Variants in RNF215 observed in about 807,000 individuals in gnomAD.
RNF215 encodes ring finger protein 215.
RNF215 carries 41 observed loss-of-function variants against 44.8 expected under a neutral mutation model. The observed-to-expected ratio is 0.92, with a 90% CI of 0.71 to 1.19. RNF215 has a LOEUF of 1.19. RNF215 is among the 50% of genes most tolerant of loss of function. RNF215 has a pLI of 0.00. For missense variants in RNF215, 452 were observed against 496.2 expected (o/e 0.91, Z 0.85); for synonymous variants, 218 against 230.1 (o/e 0.95, Z 0.48).
In RNF215 at chr22:30,387,100, G is replaced by C. The variant is rs1569200185; in HGVS notation, c.214C>G (p.Leu72Val). ...VDVRLPRQDA[L>V]VLEGVRIGSE... is the part of the protein sequence containing the mutation. ...CCGATCCTGACGCCCTCCAGGACCA[G>C]AGCGTCCTGGCGCGGCAGTCTCACG... Residue 72 changes from leucine to valine, a missense_variant, in exon 1 of 9, where the codon CTG (leucine) becomes GTG (valine). Coordinates refer to ENST00000382363, the MANE Select transcript of RNF215 (RefSeq NM_001017981.2). 4.6e-6 allele frequency: 7 copies of C among 1,527,410 alleles called. No homozygotes were observed. The highest frequency in any genetic ancestry group is 1.2e-5 in the South Asian group (1 of 83,718). The allele number at this position is 1,527,410 out of a possible 1,614,324, so 94.6% of individuals were successfully genotyped here.
chr22:30,381,182 G>A lies in RNF215; in HGVS notation c.745-781C>T, dbSNP rs141131114. On this transcript the variant is annotated intron_variant, in intron 5 of 8. Transcript: ENST00000382363. ...GGTGAATGCGCCCCCCTAACCTCCC[G>A]CTGCCCCGCCCTCCTCACACCCGCT... is the stretch of plus-strand genomic sequence containing the variant. Among the ~76,000 whole-genome samples, 17 of 152,078 alleles carry A rather than the reference G, an allele frequency of 1.1e-4. No homozygotes were observed. The East Asian group carries it at 1.9e-3, about 17-fold the overall frequency.
chr22:30,379,968 A>T (rs1569198241), intron 7 of RNF215, 94 bp downstream of exon 7: 1 of 1,574,652 alleles, frequency 6.4e-7, no homozygotes, highest in Non-Finnish European at 8.7e-7. Flanking sequence ...GGGCTGAAGG[A>T]GAAGGGCCTG....
At chr22:30,384,653 T>A (rs1188906849) in intron 4 of RNF215, 158 bp from the exon 5 acceptor site, 14 of 595,686 alleles carry the variant, frequency 2.4e-5, no homozygotes, top group Non-Finnish European at 3.4e-5. Flanking sequence ...GTTTTTCCAA[T>A]TTTCACACCA....
At chr22:30,386,493 C>T in intron 2 of RNF215, 123 bp downstream of exon 2, 1 of 1,294,084 alleles carries the variant, frequency 7.7e-7, no homozygotes, top group African/African-American at 1.5e-5. Flanking sequence ...CTGGGGTGCC[C>T]TGACCCACCA....
intron 1 of RNF215, 42 bp downstream of exon 1, chr22:30,386,987 G>A (rs1395666588): frequency 6.5e-7 from 1 of 1,533,586 alleles, no homozygotes; most frequent in Non-Finnish European, 8.7e-7. Flanking sequence ...AGGGTTGAGA[G>A]AGGGGTTTAG....
At chr22:30,383,246 G>T (rs1933552251) in intron 5 of RNF215, among the ~76,000 whole-genome samples, 1 of 152,082 alleles carries the variant, frequency 6.6e-6, no homozygotes, top group South Asian at 2.1e-4. Context: ...CAATACTTGG[G>T]TTGGGACCAC....
At position 30,378,853 on chromosome 22, in the gene RNF215, A is replaced by G. The variant is rs978663921; in HGVS notation, c.*747T>C. ...AAAATATAGCCACGTTTATTTTACT[A>G]TTAAACCTTCCCTACTCCAACTCTT... On this transcript the variant is annotated 3_prime_UTR_variant, in exon 9 of 9. Coordinates refer to ENST00000382363, the MANE Select transcript of RNF215 (RefSeq NM_001017981.2). 2.7e-5 allele frequency: 4 copies of G among 147,634 alleles called. No individual in the cohort carries two copies. The highest frequency in any genetic ancestry group is 4.5e-5 in the Non-Finnish European group (3 of 67,342). The allele number at this position is 147,634 out of a possible 1,614,324, so 9.1% of individuals were successfully genotyped here.
chr22:30,387,142 G>C lies in RNF215; in HGVS notation c.172C>G (p.Arg58Gly), dbSNP rs1239529124. 5.5e-6 allele frequency: 8 copies of C among 1,445,548 alleles called. No individual in the cohort carries two copies. Among genetic ancestry groups the C allele is most frequent in the South Asian group, 5.3e-5 (4 of 76,144 alleles). The allele number at this position is 1,445,548 out of a possible 1,614,324, so 89.5% of individuals were successfully genotyped here. A position where few individuals can be genotyped will look rare whatever the true frequency, so the allele number is the denominator to read the frequency against. Residue 58 changes from arginine to glycine, a missense_variant, in exon 1 of 9, where the codon CGC (arginine) becomes GGC (glycine). By Grantham distance (125) the Arg-to-Gly change is moderately radical. Transcript: ENST00000382363. ...AGTCTCACGTCCACCCGCACGGCGC[G>C]GGCTCCGCCCCGCCCCGCCCCGGCC... Reference protein sequence around the residue: ...PAAGAGRGGARAVRVDVRLPR... With the variant: ...PAAGAGRGGAGAVRVDVRLPR...
rs1183184727 is a variant in RNF215, at chr22:30,380,176, C to T, written c.894G>A (p.Arg298=). The T allele has an allele frequency of 6.2e-7, 1 of 1,613,894 alleles. No individual in the cohort carries two copies. The highest frequency in any genetic ancestry group is 2.2e-5 in the East Asian group (1 of 44,872). The stretch of plus-strand genomic sequence containing the variant: ...GCCGTGTCTTGAGGGATGCCAGTCT[C>T]CGCACCACGCGGCGCTTAAACAGGT... The part of the protein sequence containing the change: ...QVDLFKRRVV[R]RLASLKTRRC... The change falls in exon 7 of 9, where the codon CGG becomes CGA. Residue 298 remains arginine, a synonymous_variant. Coordinates refer to ENST00000382363, the MANE Select transcript of RNF215 (RefSeq NM_001017981.2). The surrounding 1 kb of genome is among the most constrained non-coding windows in gnomAD (Gnocchi z 5.3).
At position 30,386,724 on chromosome 22, in the gene RNF215, C is replaced by A; in HGVS notation, c.321G>T (p.Val107=). ...CGTATGCCACTGCAATCCAGCCTTC[C>A]ACTGGTGCCTCCTGCTCGGCATCCA... ...DIVDAEQEAP[V]EGWIAVAYVG... Residue 107 remains valine (V), a synonymous_variant, in exon 2 of 9, where the codon GTG becomes GTT. Coordinates refer to ENST00000382363, the MANE Select transcript of RNF215 (RefSeq NM_001017981.2). The A allele has an allele frequency of 6.2e-7, 1 of 1,610,028 alleles. No individual in the cohort carries two copies.
rs571730313 is a variant in RNF215, at chr22:30,386,154, A to G, written c.430-13T>C. 24 of 1,582,094 alleles carry G rather than the reference A, an allele frequency of 1.5e-5. 1 individual carries two copies. The South Asian group carries it at 2.6e-4, about 17-fold the overall frequency. ...GGGCCCGCCGCATCTGCAGAGGGAT[A>G]GAAGGCGAGAGGCTAGCATATACCC... is the stretch of plus-strand genomic sequence containing the variant. On this transcript the variant is annotated splice_polypyrimidine_tract_variant and intron_variant, in intron 2 of 8. Transcript: ENST00000382363.
chr22:30,383,001 C>T (rs1933548924), intron 5 of RNF215, among the ~76,000 whole-genome samples: 1 of 152,146 alleles, frequency 6.6e-6, no homozygotes. Context: ...ACTTGGGGGA[C>T]TGAGGTGGCA....
At position 30,384,371 on chromosome 22, in the gene RNF215, C is replaced by A; in HGVS notation, c.712G>T (p.Val238Phe). The A allele has an allele frequency of 1.2e-6, 2 of 1,613,992 alleles. No individual in the cohort carries two copies. The highest frequency in any genetic ancestry group is 2.2e-5 in the South Asian group (2 of 91,082). The change falls in exon 5 of 9, where the codon GTC (valine) becomes TTC (phenylalanine). Residue 238 changes from valine (V) to phenylalanine (F), a missense_variant. Val to Phe is a conservative substitution (Grantham distance 50). Transcript: ENST00000382363. The stretch of plus-strand genomic sequence containing the variant: ...TGGGCACGACTGCCTCCAAGGCAGA[C>A]CAAGTCCTGCCATCCTCCATAGCCA... The part of the protein sequence containing the change: ...KDGYGGWQDL[V>F]CLGGSRAQEQ...
chr22:30,383,002 T>A (rs1601758633), intron 5 of RNF215, among the ~76,000 whole-genome samples: 2 of 152,142 alleles, frequency 1.3e-5, no homozygotes, highest in Non-Finnish European at 2.9e-5. Context: ...CTTGGGGGAC[T>A]GAGGTGGCAG....
Position 30,380,544 on chromosome 22 carries a change from C to T in RNF215, c.745-143G>A. ...TCCCTGCAGTCCCCAGCTTCCTCTT[C>T]TGAAGGCTCCGTCTCTTCCATTGTG... On this transcript the variant is annotated intron_variant, in intron 5 of 8. Coordinates refer to ENST00000382363, the MANE Select transcript of RNF215 (RefSeq NM_001017981.2). The surrounding 1 kb of genome is among the most constrained non-coding windows in gnomAD (Gnocchi z 5.3). 2 of 1,007,162 alleles carry T rather than the reference C, an allele frequency of 2.0e-6. No individual in the cohort carries two copies. The highest frequency in any genetic ancestry group is 2.9e-5 in the Admixed American group (1 of 34,430). 62.4% of individuals were successfully genotyped at this position (1,007,162 alleles called of 1,614,324 possible).
intron 2 of RNF215, 131 bp from the exon 3 acceptor site, chr22:30,386,272 C>T: frequency 1.2e-6 from 1 of 852,642 alleles, no homozygotes; most frequent in Non-Finnish European, 1.8e-6. Flanking sequence ...GCCATAAGCT[C>T]CTTGAGGTCA....
chr22:30,386,502 C>G, intron 2 of RNF215, 114 bp downstream of exon 2: 1 of 1,357,332 alleles, frequency 7.4e-7, no homozygotes, highest in East Asian at 2.3e-5. Context: ...CCTGACCCAC[C>G]AGGCCTAGGG....
rs753933810 is a variant in RNF215 at position 30,380,313 on chromosome 22, G to A, written c.833C>T (p.Ser278Leu). 9 of 1,610,976 alleles carry A rather than the reference G, an allele frequency of 5.6e-6. No homozygotes were observed. Among genetic ancestry groups the A allele is most frequent in the East Asian group, 4.5e-5 (2 of 44,822 alleles). ...GLVVQAQRQA[S>L]RQSQRELGGQ... is the part of the protein sequence containing the mutation. ...TCCGAGCTCCCGCTGGCTCTGCCGC[G>A]ACGCCTGCCGCTGGGCCTGGACCAC... Residue 278 changes from serine to leucine, a missense_variant, in exon 6 of 9, where the codon TCG becomes TTG. Coordinates refer to ENST00000382363, the MANE Select transcript of RNF215 (RefSeq NM_001017981.2). The surrounding 1 kb of genome is among the most constrained non-coding windows in gnomAD (Gnocchi z 5.3).
rs1933591829 is a variant in RNF215, at chr22:30,385,934, T to C, written c.557A>G (p.Asn186Ser). 3 of 1,613,936 alleles carry C rather than the reference T, an allele frequency of 1.9e-6. No individual in the cohort carries two copies. Among genetic ancestry groups the C allele is most frequent in the East Asian group, 2.2e-5 (1 of 44,876 alleles). Residue 186 changes from asparagine (N) to serine (S), a missense_variant, in exon 4 of 9, where the codon AAT (asparagine) becomes AGT (serine). Asn to Ser is a conservative substitution (Grantham distance 46). Coordinates refer to ENST00000382363, the MANE Select transcript of RNF215 (RefSeq NM_001017981.2). ...CAATGCATCCAACAGCTTGGTGACA[T>C]TGGAGGAATAATGGAGGACGATCAC... ...RPVIVLHYSSNVTKLLDALLQ... is the reference protein window; with the variant it reads ...RPVIVLHYSSSVTKLLDALLQ...
Sources: gnomAD v4.1 joint callset for allele counts (sites outside exome capture counted in the v4.1 genomes callset) on GRCh38, gnomAD v4.1.1 for gene constraint, Gnocchi (gnomAD v3.1) non-coding constraint, MANE v1.5 for transcripts, NCBI Gene and HGNC (gene_info 2026-07-23, HGNC 2026-07-21) for gene names.